Variants in CSMD2 observed in about 807,000 individuals in gnomAD.
CSMD2 encodes the protein CUB and sushi domain-containing protein 2.
Under a neutral mutation model 398.5 loss-of-function variants are expected in CSMD2, and 130 were observed. The ratio of observed to expected loss-of-function variants is 0.33; its 90% CI spans 0.28 to 0.38. The LOEUF (loss-of-function observed/expected upper bound fraction) is 0.38, where lower values mean the gene tolerates loss of function less well. Ranked by LOEUF, CSMD2 falls within the 10% of genes least tolerant of loss-of-function variation. CSMD2 has a pLI of 1.00. For synonymous variants in CSMD2, 1,828 were observed against 1,908.5 expected (o/e 0.96, Z 1.10); for missense variants, 3,829 against 4,764.9 (o/e 0.80, Z 5.78).
rs372050861 is a variant in CSMD2, at chr1:33,625,194, C to G, written c.5357G>C (p.Arg1786Thr). Residue 1786 changes from arginine to threonine, a missense_variant, in exon 34 of 71, where the codon AGG becomes ACG. Around this residue, in one of 5 missense-constraint regions of CSMD2, gnomAD observed 2,001 missense variants for 2,567.1 expected, o/e 0.78. Transcript: ENST00000373381. ...CCCCACCGAGAAGTCACTGCCCAGCCTCTTGCCATAGCGGGGTTCCGGCAC... is the reference window on the plus strand; with the variant it reads ...CCCCACCGAGAAGTCACTGCCCAGCGTCTTGCCATAGCGGGGTTCCGGCAC... ...SSVPEPRYGK[R>T]LGSDFSVGAI... 2 of 1,613,922 alleles carry G rather than the reference C, an allele frequency of 1.2e-6. No homozygotes were observed. The highest frequency in any genetic ancestry group is 1.7e-5 in the Admixed American group (1 of 60,000).
At position 33,724,282 on chromosome 1, in the gene CSMD2, A is replaced by C. The variant is rs2149202064; in HGVS notation, c.2916T>G (p.Ser972Arg). Reference protein sequence around the residue: ...ALCGGFIQGSSGTILSPGFPD... With the variant: ...ALCGGFIQGSRGTILSPGFPD... ...GGAACCCTGGCGACAAGATGGTCCC[A>C]CTGGAGCCTTGAATGAAGCCACCAC... is the stretch of plus-strand genomic sequence containing the variant. The change falls in exon 19 of 71, where the codon AGT (serine) becomes AGG (arginine). Residue 972 changes from serine to arginine, a missense_variant. Ser to Arg is a moderately radical substitution (Grantham distance 110). Coordinates refer to ENST00000373381, the MANE Select transcript of CSMD2 (RefSeq NM_001281956.2). 2.5e-6 allele frequency: 4 copies of C among 1,614,100 alleles called. No individual in the cohort carries two copies. Among genetic ancestry groups the C allele is most frequent in the Non-Finnish European group, 3.4e-6 (4 of 1,179,974 alleles).
chr1:33,817,395 G>A (rs538977136), intron 9 of CSMD2, among the ~76,000 whole-genome samples: 5 of 152,260 alleles, frequency 3.3e-5, no homozygotes, highest in Non-Finnish European at 4.4e-5. Context: ...ATCAGTAGGC[G>A]GGGAAGATTT....
At chr1:34,112,026 CTCTT>C (rs1490288767) in intron 1 of CSMD2, among the ~76,000 whole-genome samples, 10 of 151,978 alleles carry the variant, frequency 6.6e-5, no homozygotes, top group Non-Finnish European at 8.8e-5. Context: ...CTCTTTCTCT[CTCTT>C]TCTCTCTCGC....
At chr1:34,123,489 T>C (rs529382551) in intron 1 of CSMD2, among the ~76,000 whole-genome samples, 3 of 150,514 alleles carry the variant, frequency 2.0e-5, no homozygotes, top group East Asian at 4.0e-4. Context: ...CCCTGACTTC[T>C]GTGAGCTACT....
At chr1:33,950,383 C>CAGAGAGAGAGAGAGAGAGAGAG (rs3045848) in intron 3 of CSMD2, among the ~76,000 whole-genome samples, 36 of 133,884 alleles carry the variant, frequency 2.7e-4, no homozygotes, top group African/African-American at 7.9e-4. Context: ...TCTCCTCCAG[C>CAGAGAGAGAGAGAGAGAGAGAG]AGAGAGAGAG....
In CSMD2 at chr1:33,709,135, T is replaced by C. The variant is rs575427923; in HGVS notation, c.3530A>G (p.Gln1177Arg). ...SIQTQPGKGI[Q>R]LKARAFELSE... ...GAGTTCGAATGCCCTGGCTTTCAGC[T>C]GAATTCCCTTCCCTGGCTGGGTCTG... The change falls in exon 22 of 71, where the codon CAG (glutamine) becomes CGG (arginine). Residue 1177 changes from glutamine (Q) to arginine (R), a missense_variant. Physicochemically the swap from Gln to Arg is conservative, Grantham distance 43. Coordinates refer to ENST00000373381, the MANE Select transcript of CSMD2 (RefSeq NM_001281956.2). The C allele has an allele frequency of 6.2e-7, 1 of 1,614,090 alleles. No homozygotes were observed. The highest frequency in any genetic ancestry group is 1.1e-5 in the South Asian group (1 of 91,044).
intron 25 of CSMD2, among the ~76,000 whole-genome samples, chr1:33,684,197 CA>C: frequency 6.6e-6 from 1 of 152,334 alleles, no homozygotes; most frequent in African/African-American, 2.4e-5. Context: ...CTCCACTGGG[CA>C]GGGGTCCTGG....
chr1:33,544,321 A>T (rs1656666103), intron 57 of CSMD2, among the ~76,000 whole-genome samples: 1 of 142,734 alleles, frequency 7.0e-6, no homozygotes. Flanking sequence ...GTTTCACCGT[A>T]TTAGCCAGGA....
At chr1:33,967,555 A>G (rs1378445704) in intron 3 of CSMD2, among the ~76,000 whole-genome samples, 29 of 152,160 alleles carry the variant, frequency 1.9e-4, no homozygotes, top group Admixed American at 1.9e-3. Flanking sequence ...TCCCCACATC[A>G]AATCCCAGCC....
intron 10 of CSMD2, among the ~76,000 whole-genome samples, chr1:33,798,093 C>CT (rs1196670946): frequency 1.3e-5 from 2 of 152,060 alleles, no homozygotes; most frequent in East Asian, 1.9e-4. Context: ...TTTTTCGTTT[C>CT]TTTTTTTCCT....
rs1034811006 is a variant in CSMD2 at position 33,935,891 on chromosome 1, G to T, written c.581C>A (p.Thr194Asn). The T allele has an allele frequency of 1.2e-6, 2 of 1,614,160 alleles. No individual in the cohort carries two copies. The highest frequency in any genetic ancestry group is 1.7e-6 in the Non-Finnish European group (2 of 1,179,980). The change falls in exon 4 of 71, where the codon ACC becomes AAC. Residue 194 changes from threonine to asparagine, a missense_variant. Around this residue, in one of 5 missense-constraint regions of CSMD2, gnomAD observed 2,001 missense variants for 2,567.1 expected, o/e 0.78. Transcript: ENST00000373381. Reference sequence around the variant, plus strand: ...GCGGACCTTGTCACCGAGGTTGAAGGTTGAACCCTGCTGGATGCCATTGGG... The same window carrying T: ...GCGGACCTTGTCACCGAGGTTGAAGTTTGAACCCTGCTGGATGCCATTGGG... ...RLPNGIQQGS[T>N]FNLGDKVRYS...
chr1:33,519,533 C>T lies in CSMD2; in HGVS notation c.10881G>A (p.Val3627=), dbSNP rs1227409798. 1.2e-6 allele frequency: 2 copies of T among 1,613,724 alleles called. No individual in the cohort carries two copies. The highest frequency in any genetic ancestry group is 1.7e-6 in the Non-Finnish European group (2 of 1,180,020). ...GGCCGGGTGGCTATACTGCTGTGCA[C>T]ACTGTGCTGACTGTGAACTCCGCCT... is the stretch of plus-strand genomic sequence containing the variant. The part of the protein sequence containing the change: ...ASEAEFTVST[V]CTAV The change falls in exon 70 of 71, where the codon GTG becomes GTA. Residue 3627 remains valine (V), a synonymous_variant. Coordinates refer to ENST00000373381, the MANE Select transcript of CSMD2 (RefSeq NM_001281956.2). This position sits in a 1 kb window ranked among gnomAD's most constrained non-coding sequence, Gnocchi z 5.6.
chr1:33,734,776 T>G (rs1646830599), intron 15 of CSMD2, among the ~76,000 whole-genome samples: 3 of 144,796 alleles, frequency 2.1e-5, no homozygotes, highest in South Asian at 4.3e-4. Context: ...CAGAGCAAGA[T>G]TCCATCTCAA....
chr1:33,532,816 T>A (rs774144839), intron 64 of CSMD2, among the ~76,000 whole-genome samples: 1 of 152,196 alleles, frequency 6.6e-6, no homozygotes, highest in Non-Finnish European at 1.5e-5. Flanking sequence ...TGAAATGTGA[T>A]CCTGTGAGTG....
rs1656242447 is a variant in CSMD2 at position 33,540,669 on chromosome 1, G to A, written c.9487C>T (p.Pro3163Ser). The change falls in exon 60 of 71, where the codon CCC becomes TCC. Residue 3163 changes from proline to serine, a missense_variant. Coordinates refer to ENST00000373381, the MANE Select transcript of CSMD2 (RefSeq NM_001281956.2). ...TCAGACCCCACCACCTTCCCATTGG[G>A]GATGAGCGGAGGTGGCTTGCACATG... ...ALMCKPPPLI[P>S]NGKVVGSDFM... 6.2e-7 allele frequency: 1 copy of A among 1,614,158 alleles called. No homozygotes were observed. Among genetic ancestry groups the A allele is most frequent in the Non-Finnish European group, 8.5e-7 (1 of 1,180,020 alleles).
intron 5 of CSMD2, among the ~76,000 whole-genome samples, chr1:33,872,844 C>T (rs1640569158): frequency 6.6e-6 from 1 of 152,172 alleles, no homozygotes; most frequent in Non-Finnish European, 1.5e-5. Flanking sequence ...AGGGAAGAAC[C>T]AAGAGCTTAG....
chr1:33,959,757 AGCCCTCCCAGACT>A (rs764893637), intron 3 of CSMD2, among the ~76,000 whole-genome samples: 5 of 152,078 alleles, frequency 3.3e-5, no homozygotes, highest in African/African-American at 4.8e-5. Context: ...TCCTCCAGGA[AGCCCTCCCAGACT>A]GCCCTGTCCC....
chr1:33,724,162 A>T, intron 19 of CSMD2, 35 bp downstream of exon 19: 2 of 1,495,156 alleles, frequency 1.3e-6, no homozygotes, highest in Non-Finnish European at 1.9e-6. Flanking sequence ...TGACCTCGTC[A>T]CATCCCAATG....
At chr1:33,921,586 G>A (rs1000323324) in intron 4 of CSMD2, among the ~76,000 whole-genome samples, 56 of 152,312 alleles carry the variant, frequency 3.7e-4, no homozygotes, top group Admixed American at 1.6e-3. Flanking sequence ...GGGACATTTA[G>A]CCCGAACCTT....
Sources: gnomAD v4.1 joint callset for allele counts (sites outside exome capture counted in the v4.1 genomes callset) on GRCh38, gnomAD v4.1.1 for gene constraint, gnomAD v4.1.1 regional missense constraint, Gnocchi (gnomAD v3.1) non-coding constraint, MANE v1.5 for transcripts, NCBI Gene and HGNC (gene_info 2026-07-23, HGNC 2026-07-21) for gene names.